AGRN: variants seen among roughly 807,000 people sequenced by gnomAD.
AGRN encodes agrin.
Under a neutral mutation model 211.0 loss-of-function variants are expected in AGRN, and 106 were observed. The ratio of observed to expected loss-of-function variants is 0.50; its 90% confidence interval spans 0.43 to 0.59. The LOEUF (loss-of-function observed/expected upper bound fraction) is 0.59, where lower values mean the gene tolerates loss of function less well. Ranked by LOEUF, AGRN falls within the 20% of genes least tolerant of loss-of-function variation. AGRN has a pLI of 0.00. For synonymous variants in AGRN, 1,525 were observed against 1,332.5 expected (o/e 1.14, Z -3.15); for missense variants, 3,040 against 2,982.6 (o/e 1.02, Z -0.45).
rs564931951 is a variant in AGRN at position 1,032,107 on chromosome 1, C to T, written c.464-3170C>T. Among the ~76,000 whole-genome samples, 7 of 152,258 alleles carry T rather than the reference C, an allele frequency of 4.6e-5. No homozygotes were observed. The South Asian group carries it at 1.5e-3, about 32-fold the overall frequency. On this transcript the variant is annotated intron_variant, in intron 2 of 35. Coordinates refer to ENST00000379370, the MANE Select transcript of AGRN (RefSeq NM_198576.4). The surrounding 1 kb of genome is among the most constrained non-coding windows in gnomAD (Gnocchi z 4.7). ...CAGGGTGGGGTGGTTGGGGTAGGAG[C>T]TCCCCTGAGGAGAGAGTGAGGCCAG...
In AGRN at chr1:1,048,997, T is replaced by C. The variant is rs768957231; in HGVS notation, c.4236T>C (p.Asn1412=). The change falls in exon 24 of 36, where the codon AAT becomes AAC. Residue 1412 remains asparagine, a synonymous_variant. Transcript: ENST00000379370. This position sits in a 1 kb window ranked among gnomAD's most constrained non-coding sequence, Gnocchi z 5.9. ...AGCCTCAGGGGCTGCTGCTGTACAA[T>C]GGCAACGCCCGGGGCAAGGACTTCC... ...ALEPQGLLLY[N]GNARGKDFLA... 3 of 1,577,822 alleles carry C rather than the reference T, an allele frequency of 1.9e-6. No homozygotes were observed. The highest frequency in any genetic ancestry group is 4.6e-5 in the East Asian group (2 of 43,120).
chr1:1,051,936 CCT>C, intron 33 of AGRN, 121 bp downstream of exon 33: 1 of 1,549,374 alleles, frequency 6.5e-7, no homozygotes, highest in Non-Finnish European at 8.7e-7. Context: ...TGTCCTCCCG[CCT>C]CTCTCTCACC....
intron 30 of AGRN, 82 bp downstream of exon 30, chr1:1,050,919 C>G: frequency 6.5e-7 from 1 of 1,532,294 alleles, no homozygotes; most frequent in Non-Finnish European, 8.8e-7. Flanking sequence ...TGCCGGCGCT[C>G]ACGGAGCTGT....
Position 1,043,539 on chromosome 1 carries a change from C to T in AGRN, c.1605C>T (p.Asp535=), listed in dbSNP as rs1202847054. ...CTGGTGATGGAAGCTCCTCCCCAGA[C>T]CGCTGCGGGCAGTGCCGCTTTGGAG... ...EIQVARKGPC[D]RCGQCRFGAL... The change falls in exon 9 of 36, where the codon GAC becomes GAT. Residue 535 remains aspartate, a splice_region_variant and synonymous_variant. Coordinates refer to ENST00000379370, the MANE Select transcript of AGRN (RefSeq NM_198576.4). The T allele has an allele frequency of 1.2e-6, 2 of 1,603,812 alleles. No individual in the cohort carries two copies. Among genetic ancestry groups the T allele is most frequent in the East Asian group, 2.2e-5 (1 of 44,874 alleles).
chr1:1,040,548 C>A lies in AGRN; in HGVS notation c.512-117C>A, dbSNP rs1004057442. Reference sequence around the variant, plus strand: ...CGTGTCCGTGTCCGTGGTGGACCCCCGATGCGGCGCGGGGGCGGGTGAATG... The same window carrying A: ...CGTGTCCGTGTCCGTGGTGGACCCCAGATGCGGCGCGGGGGCGGGTGAATG... On this transcript the variant is annotated intron_variant, in intron 3 of 35. Transcript: ENST00000379370. 7 of 1,263,226 alleles carry A rather than the reference C, an allele frequency of 5.5e-6. No individual in the cohort carries two copies. The South Asian group carries it at 6.7e-5, about 12-fold the overall frequency. The allele number at this position is 1,263,226 out of a possible 1,614,324, so 78.3% of individuals were successfully genotyped here.
chr1:1,054,043 G>C, intron 34 of AGRN, 66 bp downstream of exon 34: 10 of 1,504,710 alleles, frequency 6.6e-6, no homozygotes, highest in Non-Finnish European at 9.0e-6. Context: ...CAGCTGGGCT[G>C]TGTCCAGTCA....
Position 1,031,303 on chromosome 1 carries a change from G to A in AGRN, c.464-3974G>A, listed in dbSNP as rs1028745058. ...TCAGCATGTGTGTGTATGTGTGTGC[G>A]GTGCATGGTGCTGTGAGTGTGAGAT... On this transcript the variant is annotated intron_variant, in intron 2 of 35. Coordinates refer to ENST00000379370, the MANE Select transcript of AGRN (RefSeq NM_198576.4). The surrounding 1 kb of genome is among the most constrained non-coding windows in gnomAD (Gnocchi z 4.8). Among the ~76,000 whole-genome samples, 5 of 149,680 alleles carry A rather than the reference G, an allele frequency of 3.3e-5. 1 individual carries two copies. Among genetic ancestry groups the A allele is most frequent in the Middle Eastern group, 3.5e-3 (1 of 282 alleles).
At chr1:1,052,166 C>G (rs1645314742) in intron 33 of AGRN, 2 of 1,024,972 alleles carry the variant, frequency 2.0e-6, no homozygotes, top group Non-Finnish European at 2.7e-6. Context: ...GAGGCCGTTT[C>G]CTGCCTCAGA....
chr1:1,043,918 T>G lies in AGRN; in HGVS notation c.1894T>G (p.Cys632Gly). ...TGAGCACCCCCCGCCCGGCCCCGTG[T>G]GTGGCAGCGACGGTGTCACCTACGG... Reference protein sequence around the residue: ...RCEHPPPGPVCGSDGVTYGSA... With the variant: ...RCEHPPPGPVGGSDGVTYGSA... The change falls in exon 10 of 36, where the codon TGT becomes GGT. Residue 632 changes from cysteine (C) to glycine (G), a missense_variant. By Grantham distance (159) the Cys-to-Gly change is radical. Coordinates refer to ENST00000379370, the MANE Select transcript of AGRN (RefSeq NM_198576.4). 3 of 1,610,196 alleles carry G rather than the reference T, an allele frequency of 1.9e-6. No individual in the cohort carries two copies. The highest frequency in any genetic ancestry group is 2.5e-6 in the Non-Finnish European group (3 of 1,179,674).
chr1:1,020,187 C>T lies in AGRN; in HGVS notation c.15C>T (p.Ser5=). 2 of 1,344,132 alleles carry T rather than the reference C, an allele frequency of 1.5e-6. No individual in the cohort carries two copies. The highest frequency in any genetic ancestry group is 1.5e-5 in the African/African-American group (1 of 65,136). The allele number at this position is 1,344,132 out of a possible 1,614,324, so 83.3% of individuals were successfully genotyped here. ...TCGCCTGCGCCATGGCCGGCCGGTCCCACCCGGGCCCGCTGCGGCCGCTGC... is the reference window on the plus strand; with the variant it reads ...TCGCCTGCGCCATGGCCGGCCGGTCTCACCCGGGCCCGCTGCGGCCGCTGC... MAGR[S]HPGPLRPLLP... The change falls in exon 1 of 36, where the codon TCC becomes TCT. Residue 5 remains serine (S), a synonymous_variant. Transcript: ENST00000379370.
intron 3 of AGRN, among the ~76,000 whole-genome samples, chr1:1,036,175 G>C (rs1211770573): frequency 1.3e-5 from 2 of 152,204 alleles, no homozygotes; most frequent in Non-Finnish European, 2.9e-5. Context: ...GGACGACCTG[G>C]GGAATCCTGA....
chr1:1,033,842 C>T (rs904364721), intron 2 of AGRN, among the ~76,000 whole-genome samples: 2 of 150,182 alleles, frequency 1.3e-5, no homozygotes, highest in African/African-American at 4.9e-5. Flanking sequence ...CCGAGCACCC[C>T]CGGCCCCGCC....
Position 1,042,167 on chromosome 1 carries a change from G to A in AGRN, c.1384+5G>A. On this transcript the variant is annotated splice_donor_5th_base_variant and intron_variant, in intron 7 of 35. Coordinates refer to ENST00000379370, the MANE Select transcript of AGRN (RefSeq NM_198576.4). ...GCAAGCACCAGGGCCCGTGTGGTGA[G>A]CGCCCCGGGGTGGAGGCCAGGCGGG... 6.3e-7 allele frequency: 1 copy of A among 1,590,946 alleles called. No individual in the cohort carries two copies. The highest frequency in any genetic ancestry group is 8.5e-7 in the Non-Finnish European group (1 of 1,172,948).
chr1:1,033,794 G>C (rs1463633284), intron 2 of AGRN, among the ~76,000 whole-genome samples: 1 of 102,578 alleles, frequency 9.7e-6, no homozygotes, highest in African/African-American at 3.8e-5. Context: ...CAGCCCCAGC[G>C]CTCCCGGCCC....
At chr1:1,040,548 C>T (rs1004057442) in intron 3 of AGRN, 117 bp from the exon 4 acceptor site, 3 of 1,263,344 alleles carry the variant, frequency 2.4e-6, no homozygotes, top group South Asian at 2.7e-5. Flanking sequence ...GGTGGACCCC[C>T]GATGCGGCGC....
chr1:1,022,505 G>T (rs1644429123), intron 2 of AGRN, 43 bp downstream of exon 2: 1 of 1,576,770 alleles, frequency 6.3e-7, no homozygotes, highest in African/African-American at 1.3e-5. Flanking sequence ...GGGGGTCAGG[G>T]CAGTGGCCAA....
At chr1:1,039,979 T>C (rs918639870) in intron 3 of AGRN, among the ~76,000 whole-genome samples, 1 of 151,238 alleles carries the variant, frequency 6.6e-6, no homozygotes. Flanking sequence ...TGGGGAAGAG[T>C]TGGGGAGAGG....
chr1:1,053,423 C>T (rs764392207), intron 33 of AGRN: 1 of 1,397,532 alleles, frequency 7.2e-7, no homozygotes, highest in South Asian at 1.3e-5. Flanking sequence ...CCCCGCCTGT[C>T]CCCTGCTCAC....
chr1:1,046,156 C>G lies in AGRN; in HGVS notation c.2806-4C>G, dbSNP rs1167059785. 1.2e-6 allele frequency: 2 copies of G among 1,613,886 alleles called. No homozygotes were observed. Among genetic ancestry groups the G allele is most frequent in the Non-Finnish European group, 1.7e-6 (2 of 1,179,990 alleles). ...GCCTTGAACATCCTTGTTCTCTGCC[C>G]CAGGTCTGTGGGTCAGATGGAGTCA... On this transcript the variant is annotated splice_polypyrimidine_tract_variant and splice_region_variant and intron_variant, in intron 16 of 35. Coordinates refer to ENST00000379370, the MANE Select transcript of AGRN (RefSeq NM_198576.4).
Sources: allele counts gnomAD v4.1 joint callset (sites outside exome capture counted in the v4.1 genomes callset), GRCh38; gene constraint gnomAD v4.1.1; non-coding constraint Gnocchi (gnomAD v3.1); transcripts MANE v1.5; gene names NCBI Gene and HGNC (gene_info 2026-07-23, HGNC 2026-07-21).